GAB4: variants seen among roughly 807,000 people sequenced by gnomAD.
GAB4 encodes the protein GRB2-associated-binding protein 4.
GAB4 carries 26 observed loss-of-function variants against 51.3 expected under a neutral mutation model. That is an observed-to-expected ratio of 0.51 (90% CI 0.37 to 0.70). The LOEUF (loss-of-function observed/expected upper bound fraction) is 0.70. Among genes scored for constraint, GAB4 ranks in the 30% least tolerant of loss-of-function variants. GAB4 has a pLI of 0.00. For synonymous variants in GAB4, 329 were observed against 291.2 expected (o/e 1.13, Z -1.32); for missense variants, 759 against 734.6 (o/e 1.03, Z -0.38).
chr22:16,980,344 G>T (rs891060454), intron 3 of GAB4, among the ~76,000 whole-genome samples: 1 of 151,980 alleles, frequency 6.6e-6, no homozygotes, highest in African/African-American at 2.4e-5. Context: ...ATCAAAAAGG[G>T]GCCAAAGGAT....
At chr22:16,967,455 G>C (rs1471054206) in intron 5 of GAB4, 2 of 152,408 alleles carry the variant, frequency 1.3e-5, no homozygotes, top group African/African-American at 2.4e-5. Flanking sequence ...CCTGATCAAG[G>C]CAAGGATCAC....
intron 2 of GAB4, 73 bp downstream of exon 2, chr22:16,991,787 TTGGCAGCTAGAGC>T (rs1040935340): frequency 8.6e-7 from 1 of 1,157,118 alleles, no homozygotes; most frequent in African/African-American, 1.5e-5. Context: ...CTTGGCAGTG[TTGGCAGCTAGAGC>T]TGCCCTCCTT....
intron 2 of GAB4, 139 bp from the exon 3 acceptor site, chr22:16,988,306 G>A: frequency 1.5e-6 from 1 of 683,514 alleles, no homozygotes; most frequent in Admixed American, 2.2e-5. Context: ...TCCCAGAGGA[G>A]GGCTGGGGCC....
At chr22:16,981,324 A>T (rs1394041309) in intron 3 of GAB4, among the ~76,000 whole-genome samples, 2 of 151,914 alleles carry the variant, frequency 1.3e-5, no homozygotes, top group South Asian at 2.1e-4. Flanking sequence ...TGAAAAAAAT[A>T]AAATATCAAT....
rs1340302429 is a variant in GAB4, at chr22:17,008,134, G to A, written c.-20C>T. ...GGACATGGGGGCTGCAGCTCACAGT[G>A]AAGGTGGGGGAGACAGGGCGAGAGG... On this transcript the variant is annotated 5_prime_UTR_variant, in exon 1 of 10. Transcript: ENST00000400588. 6.4e-7 allele frequency: 1 copy of A among 1,566,082 alleles called. No individual in the cohort carries two copies. The highest frequency in any genetic ancestry group is 8.7e-7 in the Non-Finnish European group (1 of 1,145,408).
chr22:17,003,699 T>C (rs932660246), intron 1 of GAB4, among the ~76,000 whole-genome samples: 5 of 152,152 alleles, frequency 3.3e-5, no homozygotes, highest in African/African-American at 7.2e-5. Context: ...GGGAAATGTA[T>C]AGCACTAAAT....
chr22:16,988,566 G>A (rs1294799510), intron 2 of GAB4, among the ~76,000 whole-genome samples: 2 of 152,198 alleles, frequency 1.3e-5, no homozygotes, highest in Non-Finnish European at 2.9e-5. Flanking sequence ...GTGAAGCGAG[G>A]CTTGCCAACT....
intron 9 of GAB4, among the ~76,000 whole-genome samples, 159 bp downstream of exon 9, chr22:16,963,566 C>T (rs114882748): frequency 0.018 from 2,761 of 152,158 alleles, 67 homozygotes; most frequent in African/African-American, 0.063. Flanking sequence ...AACAGGAGCC[C>T]CGAGATCCAG....
At position 16,996,564 on chromosome 22, in the gene GAB4, G is replaced by A. The variant is rs572601887; in HGVS notation, c.175-4388C>T. ...ATGGTAAGGGCAGCCAGAGAGAAAG[G>A]TCGGGCTACCCACAAAGAGAAGCCC... is the stretch of plus-strand genomic sequence containing the variant. On this transcript the variant is annotated intron_variant, in intron 1 of 9. Transcript: ENST00000400588. 5.9e-5 allele frequency among the ~76,000 whole-genome samples: 9 copies of A among 152,198 alleles called. 1 individual carries two copies. The South Asian group carries it at 1.9e-3, about 32-fold the overall frequency.
intron 3 of GAB4, among the ~76,000 whole-genome samples, chr22:16,972,453 T>C (rs1182564339): frequency 2.6e-5 from 4 of 152,192 alleles, no homozygotes; most frequent in Admixed American, 2.0e-4. Flanking sequence ...GGCTGCAAGC[T>C]GCTCAGGTTG....
intron 1 of GAB4, among the ~76,000 whole-genome samples, chr22:17,002,686 C>T (rs1307069127): frequency 3.3e-5 from 5 of 151,308 alleles, no homozygotes; most frequent in East Asian, 3.9e-4. Flanking sequence ...TTGTTGGGGG[C>T]GAGGGGGGAG....
chr22:16,994,619 T>A (rs2060937247), intron 1 of GAB4, among the ~76,000 whole-genome samples: 2 of 152,260 alleles, frequency 1.3e-5, no homozygotes, highest in South Asian at 4.1e-4. Flanking sequence ...ATATTAAGTT[T>A]ATATGTTCAC....
chr22:16,988,928 T>C (rs62237425), intron 2 of GAB4, among the ~76,000 whole-genome samples: 1 of 152,184 alleles, frequency 6.6e-6, no homozygotes, highest in Non-Finnish European at 1.5e-5. Flanking sequence ...CATGCAGACT[T>C]TAAGACCTGC....
At chr22:16,966,432 A>G in intron 5 of GAB4, 68 bp from the exon 6 acceptor site, 1 of 1,495,690 alleles carries the variant, frequency 6.7e-7, no homozygotes, top group Admixed American at 1.9e-5. Flanking sequence ...GAGAATTTCT[A>G]GACAAGGCCA....
rs368881550 is a variant in GAB4 at position 16,991,887 on chromosome 22, T to C, written c.464A>G (p.Gln155Arg). 9.9e-6 allele frequency: 16 copies of C among 1,613,364 alleles called. No individual in the cohort carries two copies. In the African/African-American group the frequency reaches 1.7e-4, roughly 17 times the overall value. ...QSICQICGFR[Q>R]EESTGFLGNI... The stretch of plus-strand genomic sequence containing the variant: ...TGCTCCCATACCTGTGCTTTCCTCC[T>C]GCCTGAAGCCACAGATCTGACAGAT... The change falls in exon 2 of 10, where the codon CAG becomes CGG. Residue 155 changes from glutamine (Q) to arginine (R), a missense_variant. Physicochemically the swap from Gln to Arg is conservative, Grantham distance 43. This residue lies in a region of GAB4 where 88 missense variants were observed against 151.3 expected (regional missense o/e 0.58). Transcript: ENST00000400588.
In GAB4 at chr22:16,962,727, C is replaced by T; in HGVS notation, c.*6G>A. The T allele has an allele frequency of 6.2e-7, 1 of 1,607,518 alleles. No individual in the cohort carries two copies. Among genetic ancestry groups the T allele is most frequent in the Non-Finnish European group, 8.5e-7 (1 of 1,178,224 alleles). ...CCTGGCCCCACTCTGGTTTTGGTGG[C>T]CCGAGTCACAGCTTGGCGCCCCTGG... is the stretch of plus-strand genomic sequence containing the variant. On this transcript the variant is annotated 3_prime_UTR_variant, in exon 10 of 10. Transcript: ENST00000400588.
At chr22:16,982,587 C>T (rs952714060) in intron 3 of GAB4, among the ~76,000 whole-genome samples, 2 of 152,288 alleles carry the variant, frequency 1.3e-5, no homozygotes, top group South Asian at 2.1e-4. Flanking sequence ...GTCCACACCA[C>T]CTAATCTGCA....
chr22:16,999,625 G>C (rs1473751877), intron 1 of GAB4, among the ~76,000 whole-genome samples: 1 of 151,878 alleles, frequency 6.6e-6, no homozygotes, highest in Non-Finnish European at 1.5e-5. Context: ...AAGGGTTTTT[G>C]GTGTCTCTAT....
At chr22:17,000,599 C>T (rs1368433209) in intron 1 of GAB4, among the ~76,000 whole-genome samples, 1 of 152,140 alleles carries the variant, frequency 6.6e-6, no homozygotes, top group Non-Finnish European at 1.5e-5. Context: ...TCCAATTTGC[C>T]AGTCTGTGTC....
Sources: allele counts gnomAD v4.1 joint callset (sites outside exome capture counted in the v4.1 genomes callset), GRCh38; gene constraint gnomAD v4.1.1; regional missense constraint gnomAD v4.1.1; transcripts MANE v1.5; gene names NCBI Gene and HGNC (gene_info 2026-07-23, HGNC 2026-07-21).